The following COMMD1 variants were observed in gnomAD, a reference collection of about 807,000 sequenced individuals.
COMMD1 encodes the protein copper metabolism domain containing 1.
Under a neutral mutation model 17.2 loss-of-function variants are expected in COMMD1, and 10 were observed. The ratio of observed to expected loss-of-function variants is 0.58; its 90% CI spans 0.36 to 0.99. The LOEUF is 0.99. COMMD1 is among the 50% of genes least tolerant of loss of function. The pLI, the probability that COMMD1 is intolerant of heterozygous loss-of-function variation, is 0.01. For missense variants in COMMD1, 270 were observed against 231.8 expected, an observed-to-expected ratio of 1.17 and a Z score of -1.07; for synonymous variants, 97 against 91.6, an observed-to-expected ratio of 1.06 and a Z score of -0.34.
intron 1 of COMMD1, among the ~76,000 whole-genome samples, chr2:61,898,449 C>G (rs1669595326): frequency 6.6e-6 from 1 of 152,144 alleles, no homozygotes; most frequent in Non-Finnish European, 1.5e-5. Flanking sequence ...GCACTGCAGC[C>G]TGGATGACAG....
intron 1 of COMMD1, among the ~76,000 whole-genome samples, chr2:61,942,726 C>T (rs929604786): frequency 1.4e-4 from 21 of 147,624 alleles, no homozygotes; most frequent in African/African-American, 4.8e-4. Flanking sequence ...TTAGTAGAGG[C>T]GGGGTTTCAC....
intron 1 of COMMD1, among the ~76,000 whole-genome samples, chr2:61,999,145 T>C (rs1467387540): frequency 2.0e-5 from 3 of 152,206 alleles, no homozygotes; most frequent in Non-Finnish European, 4.4e-5. Flanking sequence ...AAAAATGCAG[T>C]ATCTGTGAAT....
intron 2 of COMMD1, among the ~76,000 whole-genome samples, chr2:62,122,125 T>C (rs1233050322): frequency 6.6e-6 from 1 of 152,236 alleles, no homozygotes; most frequent in African/African-American, 2.4e-5. Flanking sequence ...CTTTAATGCA[T>C]GAGAAATTAG....
intron 1 of COMMD1, among the ~76,000 whole-genome samples, chr2:61,911,568 G>A (rs1206588361): frequency 6.6e-6 from 1 of 152,146 alleles, no homozygotes; most frequent in Non-Finnish European, 1.5e-5. Context: ...AACTGACCAC[G>A]AGTGATCCTC....
intron 2 of COMMD1, among the ~76,000 whole-genome samples, chr2:62,066,413 A>G (rs907245352): frequency 6.6e-6 from 1 of 151,766 alleles, no homozygotes; most frequent in African/African-American, 2.4e-5. Context: ...ATGACTGATC[A>G]GGGATGCAAA....
At position 62,126,134 on chromosome 2, in the gene COMMD1, G is replaced by A. The variant is rs1672880759; in HGVS notation, c.463-9697G>A. On this transcript the variant is annotated intron_variant, in intron 2 of 2. Coordinates refer to ENST00000311832, the MANE Select transcript of COMMD1 (RefSeq NM_152516.4). ...TTTTATGACTGCATAGTATTCCATG[G>A]TGTGTATGTACCACATTTTCTTTAT... Among the ~76,000 whole-genome samples, 4 of 152,160 alleles carry A rather than the reference G, an allele frequency of 2.6e-5. No homozygotes were observed. In the South Asian group the frequency reaches 8.3e-4, roughly 31 times the overall value.
chr2:62,087,306 G>A (rs554482655), intron 2 of COMMD1, among the ~76,000 whole-genome samples: 2 of 152,168 alleles, frequency 1.3e-5, no homozygotes, highest in Non-Finnish European at 2.9e-5. Context: ...GCTGCTTCAG[G>A]ATTTATCAAA....
intron 1 of COMMD1, among the ~76,000 whole-genome samples, chr2:61,911,836 G>C (rs1669915702): frequency 6.6e-6 from 1 of 152,152 alleles, no homozygotes; most frequent in Non-Finnish European, 1.5e-5. Flanking sequence ...TTCTGCCCTA[G>C]GCCACAGGTC....
chr2:62,018,694 A>G (rs1558564517), intron 2 of COMMD1, among the ~76,000 whole-genome samples: 1 of 152,250 alleles, frequency 6.6e-6, no homozygotes. Flanking sequence ...CTAGCCAAGT[A>G]TCCTATAGTG....
intron 2 of COMMD1, among the ~76,000 whole-genome samples, chr2:62,012,327 A>ATT (rs57069379): frequency 7.8e-6 from 1 of 127,644 alleles, no homozygotes; most frequent in Non-Finnish European, 1.7e-5. Flanking sequence ...TTTGGCAGTG[A>ATT]TTTTTTTTTT....
chr2:61,970,942 C>A (rs948156348), intron 1 of COMMD1, among the ~76,000 whole-genome samples: 4 of 152,142 alleles, frequency 2.6e-5, no homozygotes, highest in African/African-American at 9.7e-5. Context: ...GACAGGGTCC[C>A]TGTTGCCCAG....
intron 1 of COMMD1, among the ~76,000 whole-genome samples, chr2:61,914,266 A>G (rs1301939954): frequency 2.0e-5 from 3 of 152,124 alleles, no homozygotes; most frequent in Admixed American, 6.6e-5. Flanking sequence ...GGAAATGGGG[A>G]CTATTTGCTC....
At chr2:62,074,047 A>G (rs879824952) in intron 2 of COMMD1, among the ~76,000 whole-genome samples, 1 of 152,162 alleles carries the variant, frequency 6.6e-6, no homozygotes, top group African/African-American at 2.4e-5. Flanking sequence ...TCTTAACACT[A>G]TACAAACCAG....
At chr2:62,064,268 G>C (rs998612682) in intron 2 of COMMD1, among the ~76,000 whole-genome samples, 3 of 151,960 alleles carry the variant, frequency 2.0e-5, no homozygotes, top group Admixed American at 2.0e-4. Context: ...CCACCTCCTG[G>C]GTTCAAGTGA....
chr2:62,021,489 C>G (rs1022826489), intron 2 of COMMD1, among the ~76,000 whole-genome samples: 1 of 152,048 alleles, frequency 6.6e-6, no homozygotes, highest in Non-Finnish European at 1.5e-5. Context: ...CTGAGAGAGA[C>G]AAAGTTGGAG....
intron 1 of COMMD1, among the ~76,000 whole-genome samples, chr2:61,991,218 T>G (rs1672245435): frequency 1.3e-5 from 2 of 152,358 alleles, no homozygotes; most frequent in African/African-American, 2.4e-5. Flanking sequence ...TAGGCTAGAT[T>G]AGGCAAACAG....
chr2:61,958,720 T>G (rs571509684), intron 1 of COMMD1, among the ~76,000 whole-genome samples: 39 of 152,342 alleles, frequency 2.6e-4, no homozygotes, highest in Non-Finnish European at 4.3e-4. Context: ...AATGTTTGGT[T>G]TTATAAATTT....
At chr2:61,940,861 T>A (rs1005311201) in intron 1 of COMMD1, among the ~76,000 whole-genome samples, 1 of 150,854 alleles carries the variant, frequency 6.6e-6, no homozygotes, top group Admixed American at 6.6e-5. Flanking sequence ...TAATTTTTTT[T>A]TATATATTAG....
intron 1 of COMMD1, among the ~76,000 whole-genome samples, chr2:61,972,738 A>T (rs1234460095): frequency 6.6e-6 from 1 of 152,172 alleles, no homozygotes; most frequent in East Asian, 1.9e-4. Context: ...ACTCCTCAAA[A>T]CTGTCATGAA....
Sources: gnomAD v4.1 joint callset for allele counts (sites outside exome capture counted in the v4.1 genomes callset) on GRCh38, gnomAD v4.1.1 for gene constraint, MANE v1.5 for transcripts, NCBI Gene and HGNC (gene_info 2026-07-23, HGNC 2026-07-21) for gene names.